PFKFB1: variants seen among roughly 807,000 people sequenced by gnomAD.
PFKFB1 encodes 6-phosphofructo-2-kinase/fructose-2,6-bisphosphatase 1.
PFKFB1 carries 34 observed loss-of-function variants against 46.4 expected under a neutral mutation model. That is an observed-to-expected ratio of 0.73 (90% CI 0.56 to 0.98). PFKFB1 has a LOEUF of 0.98. PFKFB1 is among the 50% of genes least tolerant of loss of function. The pLI is 0.00. For synonymous variants in PFKFB1, 119 were observed against 133.8 expected (o/e 0.89, Z 0.76); for missense variants, 393 against 376.3 (o/e 1.04, Z -0.37).
intron 2 of PFKFB1, among the ~76,000 whole-genome samples, chrX:54,962,617 A>C (rs1934349829): frequency 1.8e-5 from 2 of 112,097 alleles, no homozygotes; most frequent in Admixed American, 9.5e-5. Flanking sequence ...GAGAGGAAGG[A>C]AGAGGGGGAG....
rs1322112994 is a variant in PFKFB1, at chrX:54,945,689, T to G, written c.994-146A>C. On this transcript the variant is annotated intron_variant, in intron 9 of 13. Coordinates refer to ENST00000375006, the MANE Select transcript of PFKFB1 (RefSeq NM_002625.4). ...GCTCTGGGTTTGTGCCTGTTGTCCA[T>G]AAGTGTGTATGCGTGTGTGTGTGTG... The G allele has an allele frequency of 6.8e-6, 3 of 442,094 alleles. No individual in the cohort carries two copies. The East Asian group carries it at 1.2e-4, about 17-fold the overall frequency. 36.4% of individuals were successfully genotyped at this position (442,094 alleles called of 1,213,427 possible).
intron 1 of PFKFB1, among the ~76,000 whole-genome samples, chrX:54,979,096 T>C (rs920653928): frequency 2.7e-5 from 3 of 111,888 alleles, no homozygotes; most frequent in Non-Finnish European, 5.7e-5. Flanking sequence ...CATGCTTATG[T>C]AAAGTGATAA....
chrX:54,961,182 G>A (rs760508171), intron 2 of PFKFB1, among the ~76,000 whole-genome samples: 2 of 110,883 alleles, frequency 1.8e-5, no homozygotes, highest in South Asian at 3.9e-4. Context: ...TTTCCTATCT[G>A]TGGATATCTG....
upstream of PFKFB1, among the ~76,000 whole-genome samples, chrX:54,996,892 C>T (rs1935365097): frequency 9.0e-6 from 1 of 111,439 alleles, no homozygotes; most frequent in African/African-American, 3.3e-5. Flanking sequence ...GGAAGTGACC[C>T]CTGTATCCTT....
In PFKFB1 at chrX:54,933,392, T is replaced by C. The variant is rs1933283328; in HGVS notation, c.*11A>G. ...ATGAGGACACAGGCAGTTTGACTTCTTGGAAAGGGCTCAGTAGTGGGCTGG... is the reference window on the plus strand; with the variant it reads ...ATGAGGACACAGGCAGTTTGACTTCCTGGAAAGGGCTCAGTAGTGGGCTGG... On this transcript the variant is annotated 3_prime_UTR_variant, in exon 14 of 14. Coordinates refer to ENST00000375006, the MANE Select transcript of PFKFB1 (RefSeq NM_002625.4). 8.4e-7 allele frequency: 1 copy of C among 1,196,565 alleles called. No individual in the cohort carries two copies. The highest frequency in any genetic ancestry group is 2.2e-5 in the Admixed American group (1 of 45,764).
chrX:54,953,456 T>C (rs906059127), intron 7 of PFKFB1, among the ~76,000 whole-genome samples: 2 of 111,695 alleles, frequency 1.8e-5, no homozygotes, highest in African/African-American at 6.5e-5. Context: ...TTTAAGCGCA[T>C]GAATCCTCAT....
At chrX:54,980,710 A>AACACACAC (rs751759536) in intron 1 of PFKFB1, among the ~76,000 whole-genome samples, 355 of 83,380 alleles carry the variant, frequency 4.3e-3, no homozygotes, top group Non-Finnish European at 5.2e-3. Flanking sequence ...AAAAAAAGCC[A>AACACACAC]ACACACACAC....
chrX:54,977,645 G>A (rs1444684974), intron 1 of PFKFB1, among the ~76,000 whole-genome samples: 1 of 111,169 alleles, frequency 9.0e-6, no homozygotes, highest in Non-Finnish European at 1.9e-5. Context: ...TCTTAGCTCT[G>A]TCTGCTGAGC....
At chrX:54,953,164 A>G (rs998495603) in intron 7 of PFKFB1, among the ~76,000 whole-genome samples, 1 of 111,860 alleles carries the variant, frequency 8.9e-6, no homozygotes, top group African/African-American at 3.3e-5. Flanking sequence ...GAGTTCAGAG[A>G]AATCCCTGGG....
chrX:54,962,316 C>T (rs191684591), intron 2 of PFKFB1, among the ~76,000 whole-genome samples: 14 of 112,063 alleles, frequency 1.2e-4, no homozygotes, highest in Admixed American at 1.2e-3. Flanking sequence ...TCAAACATAT[C>T]CTATGTAGGA....
intron 9 of PFKFB1, among the ~76,000 whole-genome samples, 172 bp from the exon 10 acceptor site, chrX:54,945,715 T>TGCGC (rs370319069): frequency 9.5e-6 from 1 of 105,578 alleles, no homozygotes. Context: ...TGTGTGTGTG[T>TGCGC]GTGTGCGTGT....
chrX:54,952,746 C>T (rs1381884182), intron 7 of PFKFB1, among the ~76,000 whole-genome samples: 1 of 110,662 alleles, frequency 9.0e-6, no homozygotes, highest in African/African-American at 3.3e-5. Context: ...CTGTTCTAGG[C>T]ATTGTGCTTG....
intron 7 of PFKFB1, among the ~76,000 whole-genome samples, chrX:54,955,897 G>C (rs1469364330): frequency 8.9e-6 from 1 of 112,055 alleles, no homozygotes. Context: ...ACCCACAGGA[G>C]GGGGGCATTT....
chrX:54,995,210 C>T (rs1373945741), upstream of PFKFB1, among the ~76,000 whole-genome samples: 1 of 111,476 alleles, frequency 9.0e-6, no homozygotes. Context: ...GCACAAGTGT[C>T]CTCTTACTTC....
chrX:54,950,469 T>A (rs1381051808), intron 8 of PFKFB1, among the ~76,000 whole-genome samples: 3 of 112,048 alleles, frequency 2.7e-5, no homozygotes, highest in African/African-American at 9.7e-5. Context: ...AAGTGAGAGC[T>A]ACCTCGACGG....
At chrX:54,994,525 C>A, upstream of PFKFB1, 1 of 754,391 alleles carries the variant, frequency 1.3e-6, no homozygotes. Context: ...ATGTCAAGCT[C>A]CAACCCAGAA....
chrX:54,974,802 T>C (rs1182044821), intron 1 of PFKFB1, among the ~76,000 whole-genome samples: 3 of 110,890 alleles, frequency 2.7e-5, no homozygotes, highest in African/African-American at 3.3e-5. Context: ...AGGACATGAA[T>C]ATAGAATTCT....
intron 1 of PFKFB1, among the ~76,000 whole-genome samples, chrX:54,987,388 G>A (rs1483119728): frequency 9.0e-6 from 1 of 111,227 alleles, no homozygotes; most frequent in Non-Finnish European, 1.9e-5. Context: ...TTCTTCAAAA[G>A]CTCTTTCAAA....
chrX:54,946,853 C>T (rs987774228), intron 9 of PFKFB1, among the ~76,000 whole-genome samples: 11 of 112,111 alleles, frequency 9.8e-5, no homozygotes, highest in African/African-American at 3.2e-4. Flanking sequence ...GCGCAAGGGA[C>T]ATTTTAAAGA....
Sources: gnomAD v4.1 joint callset for allele counts (sites outside exome capture counted in the v4.1 genomes callset) on GRCh38, gnomAD v4.1.1 for gene constraint, MANE v1.5 for transcripts, NCBI Gene and HGNC (gene_info 2026-07-23, HGNC 2026-07-21) for gene names.